Variants in DIDO1 observed in about 807,000 individuals in gnomAD.
The protein encoded by DIDO1 is death-inducer obliterator 1.
Under a neutral mutation model 99.4 loss-of-function variants are expected in DIDO1, and 16 were observed. The observed-to-expected ratio is 0.16, with a 90% CI of 0.11 to 0.24. The LOEUF (loss-of-function observed/expected upper bound fraction) is 0.24, where lower values mean the gene tolerates loss of function less well. Ranked by LOEUF, DIDO1 falls within the 10% of genes least tolerant of loss-of-function variation. The pLI is 1.00. For synonymous variants in DIDO1, 1,366 were observed against 1,239.1 expected (o/e 1.10, Z -2.15); for missense variants, 2,996 against 3,014.0 (o/e 0.99, Z 0.14).
chr20:62,923,101 A>G (rs947117328), intron 1 of DIDO1, among the ~76,000 whole-genome samples: 1 of 152,232 alleles, frequency 6.6e-6, no homozygotes, highest in Admixed American at 6.5e-5. Flanking sequence ...TCCTGGCTTC[A>G]AGGGGTCCTC....
chr20:62,888,381 A>C (rs997728402), intron 15 of DIDO1: 74 of 985,508 alleles, frequency 7.5e-5, no homozygotes, highest in Non-Finnish European at 8.9e-5. Context: ...CGGGCAGCTC[A>C]AGGCTGGGGC....
intron 1 of DIDO1, among the ~76,000 whole-genome samples, chr20:62,932,730 A>C (rs572839348): frequency 1.3e-5 from 2 of 152,346 alleles, no homozygotes; most frequent in Admixed American, 1.3e-4. Flanking sequence ...AATAAAAATC[A>C]AGAAAAGATT....
Position 62,882,915 on chromosome 20 carries a change from C to CTTTTT in DIDO1, c.3542-506_3542-502dup, listed in dbSNP as rs10583836. 6.6e-4 allele frequency among the ~76,000 whole-genome samples: 54 copies of CTTTTT among 81,370 alleles called. 2 individuals carry two copies. Among genetic ancestry groups the CTTTTT allele is most frequent in the East Asian group, 1.2e-3 (3 of 2,552 alleles). 53.4% of individuals were successfully genotyped at this position (81,370 alleles called of 152,430 possible). A position where few individuals can be genotyped will look rare whatever the true frequency, so the allele number is the denominator to read the frequency against. On this transcript the variant is annotated intron_variant, in intron 15 of 15. Transcript: ENST00000395343. ...CACTGCCAGGAAGGTAACAAACAGC[C>CTTTTT]TTTTTTTTTTTTTTTTTTTTTTTTT...
chr20:62,934,778 TC>T (rs1235074450), intron 1 of DIDO1, among the ~76,000 whole-genome samples: 1 of 152,170 alleles, frequency 6.6e-6, no homozygotes, highest in African/African-American at 2.4e-5. Flanking sequence ...ACCCTGGACT[TC>T]CCTGCCGCCT....
intron 1 of DIDO1, among the ~76,000 whole-genome samples, chr20:62,925,979 C>T (rs2065244579): frequency 6.6e-6 from 1 of 152,224 alleles, no homozygotes; most frequent in Admixed American, 6.5e-5. Flanking sequence ...CCCGACCGCA[C>T]CCAAGGCCCG....
intron 15 of DIDO1, among the ~76,000 whole-genome samples, chr20:62,886,492 G>A (rs959822484): frequency 6.6e-6 from 1 of 152,168 alleles, no homozygotes; most frequent in African/African-American, 2.4e-5. Flanking sequence ...AGCTGTGTGG[G>A]CCAAGACCAA....
chr20:62,883,018 GT>G (rs1201560680), intron 15 of DIDO1, among the ~76,000 whole-genome samples: 2 of 145,224 alleles, frequency 1.4e-5, no homozygotes, highest in Non-Finnish European at 3.0e-5. Context: ...TGCTTTCCAG[GT>G]TCAGGAGAAT....
chr20:62,906,167 G>A (rs2147474786), intron 5 of DIDO1, 67 bp from the exon 6 acceptor site: 1 of 1,545,382 alleles, frequency 6.5e-7, no homozygotes, highest in African/African-American at 1.4e-5. Flanking sequence ...TCATTTCACT[G>A]AGAGATGAAG....
chr20:62,888,995 C>A, intron 15 of DIDO1: 1 of 985,498 alleles, frequency 1.0e-6, no homozygotes, highest in Non-Finnish European at 1.2e-6. Flanking sequence ...CGCCTCTGCT[C>A]TTTATCGTGG....
intron 1 of DIDO1, among the ~76,000 whole-genome samples, chr20:62,917,423 T>C (rs2065058917): frequency 6.6e-6 from 1 of 152,184 alleles, no homozygotes; most frequent in Admixed American, 6.5e-5. Flanking sequence ...AATTCCAATT[T>C]TCACCCCAAA....
rs1305891527 is a variant in DIDO1 at position 62,892,907 on chromosome 20, G to A, written c.3157C>T (p.Leu1053Phe). 2 of 1,614,048 alleles carry A rather than the reference G, an allele frequency of 1.2e-6. No homozygotes were observed. Among genetic ancestry groups the A allele is most frequent in the Non-Finnish European group, 1.7e-6 (2 of 1,179,984 alleles). ...ATAAATCCTTTCCAAATGGTGCTGA[G>A]TCGAGACAAAAAGAGGGTCGTGTCT... ...EGDTTLFLSR[L>F]STIWKGFINM... The change falls in exon 13 of 16, where the codon CTC (leucine) becomes TTC (phenylalanine). Residue 1053 changes from leucine to phenylalanine, a missense_variant. Leu to Phe is a conservative substitution (Grantham distance 22). Coordinates refer to ENST00000395343, the MANE Select transcript of DIDO1 (RefSeq NM_001193369.2).
Position 62,896,778 on chromosome 20 carries a change from T to C in DIDO1, c.1807A>G (p.Thr603Ala). ...GCAGCTGAAGCACCACTCGATGGGG[T>C]AGCGGAGAGCCATGGCCTCTTGGGG... ...TIPKRPWLSA[T>A]PSSGASAARQ... Residue 603 changes from threonine (T) to alanine (A), a missense_variant, in exon 7 of 16, where the codon ACC becomes GCC. Thr to Ala is a moderately conservative substitution (Grantham distance 58, BLOSUM62 0). This residue lies in a region of DIDO1 where 898 missense variants were observed against 972.7 expected (regional missense o/e 0.92). Transcript: ENST00000395343. This position sits in a 1 kb window ranked among gnomAD's most constrained non-coding sequence, Gnocchi z 4.4. The C allele has an allele frequency of 1.9e-6, 3 of 1,613,992 alleles. No homozygotes were observed. The highest frequency in any genetic ancestry group is 2.5e-6 in the Non-Finnish European group (3 of 1,180,004).
At position 62,881,785 on chromosome 20, in the gene DIDO1, A is replaced by C. The variant is rs1480941663; in HGVS notation, c.4171T>G (p.Tyr1391Asp). ...GTGTCGAAGGCCCTCTCCGGGTCGT[A>C]CTCCTCCTCAGGGTCGTATGGCCTG... ...DDRPYDPEEE[Y>D]DPERAFDTQL... The change falls in exon 16 of 16, where the codon TAC (tyrosine) becomes GAC (aspartate). Residue 1391 changes from tyrosine to aspartate, a missense_variant. Transcript: ENST00000395343. This position sits in a 1 kb window ranked among gnomAD's most constrained non-coding sequence, Gnocchi z 8.3. 4 of 1,612,206 alleles carry C rather than the reference A, an allele frequency of 2.5e-6. No homozygotes were observed. Among genetic ancestry groups the C allele is most frequent in the African/African-American group, 1.3e-5 (1 of 74,476 alleles).
chr20:62,881,289 T>G lies in DIDO1; in HGVS notation c.4667A>C (p.Asn1556Thr), dbSNP rs549525535. 2 of 1,604,904 alleles carry G rather than the reference T, an allele frequency of 1.2e-6. No individual in the cohort carries two copies. Among genetic ancestry groups the G allele is most frequent in the Non-Finnish European group, 1.7e-6 (2 of 1,179,640 alleles). Reference protein sequence around the residue: ...ASLPPASQASNHRDPRQARRL... With the variant: ...ASLPPASQASTHRDPRQARRL... The stretch of plus-strand genomic sequence containing the variant: ...CCTCGCCTGCCGGGGGTCCCTGTGG[T>G]TTGACGCCTGGCTGGCGGGGGGCAG... Residue 1556 changes from asparagine (N) to threonine (T), a missense_variant, in exon 16 of 16, where the codon AAC (asparagine) becomes ACC (threonine). Around this residue, in one of 5 missense-constraint regions of DIDO1, gnomAD observed 1,562 missense variants for 1,412.6 expected, o/e 1.11. Coordinates refer to ENST00000395343, the MANE Select transcript of DIDO1 (RefSeq NM_001193369.2). This position sits in a 1 kb window ranked among gnomAD's most constrained non-coding sequence, Gnocchi z 8.3.
Position 62,878,556 on chromosome 20 carries a change from T to G in DIDO1, c.*677A>C, listed in dbSNP as rs2147334698. The G allele has an allele frequency of 6.6e-6, 1 of 152,282 alleles. No homozygotes were observed. Among genetic ancestry groups the G allele is most frequent in the South Asian group, 2.1e-4 (1 of 4,824 alleles). The allele number at this position is 152,282 out of a possible 1,614,324, so 9.4% of individuals were successfully genotyped here. On this transcript the variant is annotated 3_prime_UTR_variant, in exon 16 of 16. Transcript: ENST00000395343. Reference sequence around the variant, plus strand: ...GTTACTTTTTTTAGGCTGGTAAAACTTAACATTTTTCAATAAATTGTTATT... The same window carrying G: ...GTTACTTTTTTTAGGCTGGTAAAACGTAACATTTTTCAATAAATTGTTATT...
rs769782947 is a variant in DIDO1, at chr20:62,879,725, T to C, written c.6231A>G (p.Glu2077=). Reference sequence around the variant, plus strand: ...TCCCTTCGAAAGTCTGGTTTCTGTATTCGTGGCCTTTCCCCTCTCGGAAGT... The same window carrying C: ...TCCCTTCGAAAGTCTGGTTTCTGTACTCGTGGCCTTTCCCCTCTCGGAAGT... ...SADFREGKGH[E]YRNQTFEGRQ... The change falls in exon 16 of 16, where the codon GAA becomes GAG. Residue 2077 remains glutamate, a synonymous_variant. Transcript: ENST00000395343. This position sits in a 1 kb window ranked among gnomAD's most constrained non-coding sequence, Gnocchi z 6.3. 6.8e-6 allele frequency: 11 copies of C among 1,611,710 alleles called. No individual in the cohort carries two copies. The South Asian group carries it at 1.2e-4, about 18-fold the overall frequency.
At chr20:62,922,399 C>T (rs1044189948) in intron 1 of DIDO1, among the ~76,000 whole-genome samples, 4 of 152,062 alleles carry the variant, frequency 2.6e-5, no homozygotes, top group African/African-American at 9.7e-5. Flanking sequence ...CCCACCCAGA[C>T]ATTTATAACC....
chr20:62,904,950 T>G (rs2064768888), intron 6 of DIDO1: 1 of 972,586 alleles, frequency 1.0e-6, no homozygotes, highest in Non-Finnish European at 1.2e-6. Context: ...TATTTAACCT[T>G]TCGGTGCTTT....
chr20:62,879,890 G>A lies in DIDO1; in HGVS notation c.6066C>T (p.Gly2022=), dbSNP rs2064168337. The change falls in exon 16 of 16, where the codon GGC becomes GGT. Residue 2022 remains glycine (G), a synonymous_variant. Coordinates refer to ENST00000395343, the MANE Select transcript of DIDO1 (RefSeq NM_001193369.2). The surrounding 1 kb of genome is among the most constrained non-coding windows in gnomAD (Gnocchi z 6.3). ...QGQAPQVMKP[G]PRPLLELPSH... ...TGGGAAGCTCCAGCAGGGGCCTGGG[G>A]CCCGGCTTCATCACCTGCGGGGCCT... The A allele has an allele frequency of 1.3e-6, 2 of 1,587,290 alleles. No individual in the cohort carries two copies. Among genetic ancestry groups the A allele is most frequent in the Admixed American group, 1.8e-5 (1 of 55,076 alleles).
Sources: gnomAD v4.1 joint callset for allele counts (sites outside exome capture counted in the v4.1 genomes callset) on GRCh38, gnomAD v4.1.1 for gene constraint, gnomAD v4.1.1 regional missense constraint, Gnocchi (gnomAD v3.1) non-coding constraint, MANE v1.5 for transcripts, NCBI Gene and HGNC (gene_info 2026-07-23, HGNC 2026-07-21) for gene names.